ANKRD33B: variants seen among roughly 807,000 people sequenced by gnomAD.
ANKRD33B encodes the protein ankyrin repeat domain-containing protein 33B.
In ANKRD33B, 6 loss-of-function variants were observed where a neutral mutation model predicts 21.5. That is an observed-to-expected ratio of 0.28 (90% CI 0.15 to 0.55). The LOEUF (loss-of-function observed/expected upper bound fraction) is 0.55, where lower values mean the gene tolerates loss of function less well. Among genes scored for constraint, ANKRD33B ranks in the 20% least tolerant of loss-of-function variants. The probability of loss-of-function intolerance (pLI) is 0.94; values close to 1 mark genes in which losing one functional copy is unlikely to be tolerated. For synonymous variants in ANKRD33B, 347 were observed against 342.4 expected (o/e 1.01, Z -0.15); for missense variants, 698 against 747.2 (o/e 0.93, Z 0.77).
intron 1 of ANKRD33B, among the ~76,000 whole-genome samples, chr5:10,598,257 T>C (rs1315418681): frequency 6.6e-6 from 1 of 152,142 alleles, no homozygotes; most frequent in African/African-American, 2.4e-5. Flanking sequence ...TTTAACCATA[T>C]TTTATATTTT....
At chr5:10,586,751 A>G (rs187323066) in intron 1 of ANKRD33B, among the ~76,000 whole-genome samples, 103 of 152,238 alleles carry the variant, frequency 6.8e-4, no homozygotes, top group African/African-American at 2.4e-3. Flanking sequence ...CAATACATTT[A>G]CATATTCTGG....
At position 10,650,522 on chromosome 5, in the gene ANKRD33B, G is replaced by A. The variant is rs13361380; in HGVS notation, c.*409G>A. 198 of 154,340 alleles carry A rather than the reference G, an allele frequency of 1.3e-3. 1 individual carries two copies. Among genetic ancestry groups the A allele is most frequent in the African/African-American group, 4.5e-3 (186 of 41,638 alleles). The allele number at this position is 154,340 out of a possible 1,614,324, so 9.6% of individuals were successfully genotyped here. A position where few individuals can be genotyped will look rare whatever the true frequency, so the allele number is the denominator to read the frequency against. On this transcript the variant is annotated 3_prime_UTR_variant, in exon 4 of 4. Transcript: ENST00000296657. ...GGCAGTTTTAATACACTTGCCTGAAGACCTTTTGTTTAAGATACTGTTTCT... is the reference window on the plus strand; with the variant it reads ...GGCAGTTTTAATACACTTGCCTGAAAACCTTTTGTTTAAGATACTGTTTCT...
chr5:10,601,500 A>G (rs1384798997), intron 1 of ANKRD33B, among the ~76,000 whole-genome samples: 2 of 152,184 alleles, frequency 1.3e-5, no homozygotes, highest in Non-Finnish European at 2.9e-5. Context: ...GTTGCCAGTC[A>G]TCTGTGCTCC....
chr5:10,622,966 C>T (rs1175935943), intron 2 of ANKRD33B, among the ~76,000 whole-genome samples: 1 of 152,162 alleles, frequency 6.6e-6, no homozygotes, highest in Non-Finnish European at 1.5e-5. Flanking sequence ...CATCCAGGCT[C>T]AGTGCCCAGC....
At position 10,564,605 on chromosome 5, in the gene ANKRD33B, G is replaced by A. The variant is rs765085329; in HGVS notation, c.138G>A (p.Leu46=). 6.5e-7 allele frequency: 1 copy of A among 1,534,946 alleles called. No individual in the cohort carries two copies. Among genetic ancestry groups the A allele is most frequent in the South Asian group, 1.2e-5 (1 of 83,984 alleles). ...AAGAGTTTGAGGACTTCTCGAGTCT[G>A]CCAGACACCCGCAGCATCGCCTCGG... is the stretch of plus-strand genomic sequence containing the variant. ...DYEEFEDFSS[L]PDTRSIASDD... The change falls in exon 1 of 4, where the codon CTG becomes CTA. Residue 46 remains leucine (L), a synonymous_variant. Coordinates refer to ENST00000296657, the MANE Select transcript of ANKRD33B (RefSeq NM_001164440.2).
chr5:10,586,653 C>T lies in ANKRD33B; in HGVS notation c.366+21820C>T, dbSNP rs913185532. 3.9e-5 allele frequency among the ~76,000 whole-genome samples: 6 copies of T among 152,106 alleles called. No homozygotes were observed. In the South Asian group the frequency reaches 6.2e-4, roughly 16 times the overall value. The stretch of plus-strand genomic sequence containing the variant: ...AGTTTTGCTGTGTGGCATCTTAATG[C>T]GCAATTTAGGAAATTGCTCTTGGTA... On this transcript the variant is annotated intron_variant, in intron 1 of 3. Transcript: ENST00000296657.
At chr5:10,603,710 A>G (rs975248005) in intron 1 of ANKRD33B, among the ~76,000 whole-genome samples, 6 of 152,112 alleles carry the variant, frequency 3.9e-5, no homozygotes, top group African/African-American at 1.4e-4. Flanking sequence ...GTTTTTTGTC[A>G]TGCAGTGTTA....
chr5:10,601,470 A>G (rs144209275), intron 1 of ANKRD33B, among the ~76,000 whole-genome samples: 149 of 151,786 alleles, frequency 9.8e-4, no homozygotes, highest in African/African-American at 3.4e-3. Context: ...CTGGGTGCCA[A>G]CTCCTCCCAG....
At chr5:10,623,138 G>A (rs1296863998) in intron 2 of ANKRD33B, among the ~76,000 whole-genome samples, 1 of 152,184 alleles carries the variant, frequency 6.6e-6, no homozygotes, top group Non-Finnish European at 1.5e-5. Context: ...CAGGGGGAAG[G>A]TGGCCTCGGG....
Position 10,650,795 on chromosome 5 carries a change from T to C in ANKRD33B, c.*682T>C, listed in dbSNP as rs1355432237. On this transcript the variant is annotated 3_prime_UTR_variant, in exon 4 of 4. Coordinates refer to ENST00000296657, the MANE Select transcript of ANKRD33B (RefSeq NM_001164440.2). ...TAAAACTCTTATCCATATAGTAATA[T>C]ATTGAGGAAAAACATATTGTCAAAT... is the stretch of plus-strand genomic sequence containing the variant. The C allele has an allele frequency of 6.6e-6, 1 of 152,360 alleles. No homozygotes were observed. The highest frequency in any genetic ancestry group is 1.5e-5 in the Non-Finnish European group (1 of 68,050). 9.4% of individuals were successfully genotyped at this position (152,360 alleles called of 1,614,324 possible).
chr5:10,628,821 C>T (rs1047335712), intron 2 of ANKRD33B, among the ~76,000 whole-genome samples: 8 of 152,000 alleles, frequency 5.3e-5, no homozygotes, highest in African/African-American at 1.5e-4. Flanking sequence ...GGAACGTGGA[C>T]GATGAGACAC....
intron 1 of ANKRD33B, among the ~76,000 whole-genome samples, chr5:10,573,980 C>A (rs1735260678): frequency 6.6e-6 from 1 of 152,208 alleles, no homozygotes; most frequent in South Asian, 2.1e-4. Context: ...CATACCCCTC[C>A]ACTCCCCATC....
intron 2 of ANKRD33B, chr5:10,624,686 GC>G (rs1487804516): frequency 5.8e-5 from 26 of 451,928 alleles, no homozygotes; most frequent in Non-Finnish European, 9.3e-5. Context: ...GCCTCAATGT[GC>G]CGAAGAGATT....
intron 3 of ANKRD33B, among the ~76,000 whole-genome samples, chr5:10,645,065 G>C (rs1000730797): frequency 3.3e-5 from 5 of 152,236 alleles, no homozygotes; most frequent in Admixed American, 6.5e-5. Flanking sequence ...TGAGAACTTT[G>C]AGCACACTTC....
intron 1 of ANKRD33B, among the ~76,000 whole-genome samples, chr5:10,581,260 A>G (rs1735437647): frequency 6.6e-6 from 1 of 152,212 alleles, no homozygotes; most frequent in Non-Finnish European, 1.5e-5. Context: ...TCAGAATTGG[A>G]ACATGATGAC....
At chr5:10,640,647 A>G (rs1737027477) in intron 3 of ANKRD33B, among the ~76,000 whole-genome samples, 1 of 152,188 alleles carries the variant, frequency 6.6e-6, no homozygotes, top group African/African-American at 2.4e-5. Context: ...CTGTTATTTT[A>G]ATTTCTCTTT....
intron 1 of ANKRD33B, among the ~76,000 whole-genome samples, chr5:10,586,281 C>T (rs1212578925): frequency 1.3e-5 from 2 of 152,116 alleles, no homozygotes; most frequent in Non-Finnish European, 2.9e-5. Context: ...ATTTCACTTC[C>T]CACGATTTGG....
rs1041536834 is a variant in ANKRD33B at position 10,653,694 on chromosome 5, C to T, written c.*3581C>T. 6.6e-6 allele frequency: 1 copy of T among 152,404 alleles called. No homozygotes were observed. The highest frequency in any genetic ancestry group is 1.5e-5 in the Non-Finnish European group (1 of 68,122). The allele number at this position is 152,404 out of a possible 1,614,324, so 9.4% of individuals were successfully genotyped here. A position where few individuals can be genotyped will look rare whatever the true frequency, so the allele number is the denominator to read the frequency against. ...AGGCCCCTCGGTCTCAGGATGTGGACAGGGCTGGGAGGTGCAGGCTTCTTG... is the reference window on the plus strand; with the variant it reads ...AGGCCCCTCGGTCTCAGGATGTGGATAGGGCTGGGAGGTGCAGGCTTCTTG... On this transcript the variant is annotated 3_prime_UTR_variant, in exon 4 of 4. Coordinates refer to ENST00000296657, the MANE Select transcript of ANKRD33B (RefSeq NM_001164440.2).
At chr5:10,618,581 C>A in intron 2 of ANKRD33B, 119 bp downstream of exon 2, 1 of 1,360,354 alleles carries the variant, frequency 7.4e-7, no homozygotes, top group East Asian at 2.6e-5. Flanking sequence ...TGTCCTGCTA[C>A]CAAGGGGTGC....
Sources: allele counts gnomAD v4.1 joint callset (sites outside exome capture counted in the v4.1 genomes callset), GRCh38; gene constraint gnomAD v4.1.1; transcripts MANE v1.5; gene names NCBI Gene and HGNC (gene_info 2026-07-23, HGNC 2026-07-21).